The following MCTP1 variants were observed in gnomAD, a reference collection of about 807,000 sequenced individuals.
MCTP1 encodes multiple C2 and transmembrane domain-containing protein 1.
MCTP1 carries 69 observed loss-of-function variants against 120.6 expected under a neutral mutation model. The ratio of observed to expected loss-of-function variants is 0.57; its 90% CI spans 0.47 to 0.70. MCTP1 has a LOEUF of 0.70. Ranked by LOEUF, MCTP1 falls within the 30% of genes least tolerant of loss-of-function variation. The probability of loss-of-function intolerance (pLI) is 0.00; values close to 1 mark genes in which losing one functional copy is unlikely to be tolerated. For synonymous variants in MCTP1, 529 were observed against 493.1 expected (o/e 1.07, Z -0.96); for missense variants, 1,203 against 1,248.8 (o/e 0.96, Z 0.55).
rs1470049921 is a variant in MCTP1 at position 94,954,167 on chromosome 5, TAC to T, written c.839-808_839-807del. Among the ~76,000 whole-genome samples the T allele has an allele frequency of 4.1e-5, 4 of 98,616 alleles. 1 individual carries two copies. The highest frequency in any genetic ancestry group is 1.8e-4 in the African/African-American group (4 of 22,182). 64.7% of individuals were successfully genotyped at this position (98,616 alleles called of 152,430 possible). On this transcript the variant is annotated intron_variant, in intron 2 of 22. Coordinates refer to ENST00000515393, the MANE Select transcript of MCTP1 (RefSeq NM_024717.7). ...ATATACATATATATATGCATATATA[TAC>T]ATATATATATATGCATATATATATA...
intron 19 of MCTP1, among the ~76,000 whole-genome samples, chr5:94,776,646 CTAT>C (rs148472989): frequency 0.011 from 1,725 of 152,250 alleles, 33 homozygotes; most frequent in African/African-American, 0.039. Context: ...CCTGACCTTA[CTAT>C]TATACCATAT....
chr5:94,717,875 A>G (rs1688786153), intron 19 of MCTP1, among the ~76,000 whole-genome samples: 1 of 152,222 alleles, frequency 6.6e-6, no homozygotes. Flanking sequence ...CAGCGAGGAC[A>G]CAAATGGGAA....
chr5:94,768,315 T>C (rs749618736), intron 19 of MCTP1, among the ~76,000 whole-genome samples: 15 of 152,036 alleles, frequency 9.9e-5, no homozygotes, highest in Middle Eastern at 3.2e-3. Context: ...GAAGAAAACA[T>C]AGGAGAAATA....
intron 1 of MCTP1, among the ~76,000 whole-genome samples, chr5:95,023,839 C>T (rs1024568446): frequency 2.6e-5 from 4 of 152,164 alleles, no homozygotes; most frequent in African/African-American, 9.7e-5. Flanking sequence ...ACTTGGTTCA[C>T]CTCTGAAATT....
chr5:95,123,651 CTTTTT>C (rs67736041), intron 1 of MCTP1, among the ~76,000 whole-genome samples: 71,717 of 145,452 alleles, frequency 0.49, 19,261 homozygotes, highest in Non-Finnish European at 0.62. Context: ...ACAAGCTCTG[CTTTTT>C]TTTTTTTTTT....
intron 2 of MCTP1, among the ~76,000 whole-genome samples, chr5:94,983,874 T>A (rs921766438): frequency 6.6e-6 from 1 of 152,156 alleles, no homozygotes; most frequent in Non-Finnish European, 1.5e-5. Context: ...ATCTAAAACA[T>A]GAGAGCTCTA....
chr5:94,971,426 T>C (rs1317023456), intron 2 of MCTP1, among the ~76,000 whole-genome samples: 1 of 152,154 alleles, frequency 6.6e-6, no homozygotes, highest in African/African-American at 2.4e-5. Flanking sequence ...TCATCAAGGT[T>C]CTAGCAAGAT....
chr5:94,917,252 T>G (rs1290424620), intron 8 of MCTP1, among the ~76,000 whole-genome samples: 1 of 152,198 alleles, frequency 6.6e-6, no homozygotes, highest in Non-Finnish European at 1.5e-5. Context: ...ATTTGCATAT[T>G]GCGGCTGGTA....
chr5:95,133,482 C>T (rs1165994130), intron 1 of MCTP1, among the ~76,000 whole-genome samples: 3 of 152,068 alleles, frequency 2.0e-5, no homozygotes, highest in Non-Finnish European at 4.4e-5. Context: ...GGCAAAACCC[C>T]GTCTCTACTA....
chr5:95,245,388 G>C (rs979339031), intron 1 of MCTP1, among the ~76,000 whole-genome samples: 3 of 152,162 alleles, frequency 2.0e-5, no homozygotes, highest in African/African-American at 7.2e-5. Flanking sequence ...CCGAGCTAAA[G>C]GCGCATGTTC....
chr5:94,947,786 ATT>A (rs70978144), intron 3 of MCTP1, among the ~76,000 whole-genome samples: 7 of 138,946 alleles, frequency 5.0e-5, no homozygotes, highest in Admixed American at 7.3e-5. Flanking sequence ...TGGCTTTAAA[ATT>A]TTTTTTTTTT....
intron 1 of MCTP1, among the ~76,000 whole-genome samples, chr5:95,189,173 G>A (rs1388404738): frequency 6.6e-6 from 1 of 152,088 alleles, no homozygotes; most frequent in Non-Finnish European, 1.5e-5. Context: ...CAACACCATA[G>A]TTAATTTCCC....
At chr5:94,892,791 A>C (rs1338832537) in intron 11 of MCTP1, among the ~76,000 whole-genome samples, 2 of 152,200 alleles carry the variant, frequency 1.3e-5, no homozygotes, top group Non-Finnish European at 2.9e-5. Flanking sequence ...TTCTCCAAAC[A>C]ACCTCCATTA....
chr5:95,169,244 GCCAA>G (rs1746877535), intron 1 of MCTP1, among the ~76,000 whole-genome samples: 1 of 152,242 alleles, frequency 6.6e-6, no homozygotes, highest in Non-Finnish European at 1.5e-5. Context: ...CACAGAGGAA[GCCAA>G]CTTGATCATG....
At position 95,158,254 on chromosome 5, in the gene MCTP1, C is replaced by A. The variant is rs531015077; in HGVS notation, c.720+125602G>T. On this transcript the variant is annotated intron_variant, in intron 1 of 22. Transcript: ENST00000515393. ...ATTCCACTGGCATTTTTCATCATCA[C>A]ATATCATTCATTTATTGTAAATCTC... Among the ~76,000 whole-genome samples, 3 of 152,178 alleles carry A rather than the reference C, an allele frequency of 2.0e-5. No homozygotes were observed. The South Asian group carries it at 6.2e-4, about 31-fold the overall frequency.
intron 3 of MCTP1, among the ~76,000 whole-genome samples, chr5:94,949,895 G>A (rs1745289128): frequency 6.6e-6 from 1 of 152,000 alleles, no homozygotes; most frequent in African/African-American, 2.4e-5. Flanking sequence ...ACACAGGCCT[G>A]CATAGAGACA....
intron 1 of MCTP1, among the ~76,000 whole-genome samples, chr5:95,281,111 T>G (rs1760277850): frequency 6.6e-6 from 1 of 152,260 alleles, no homozygotes; most frequent in East Asian, 1.9e-4. Flanking sequence ...TCTAAAGATG[T>G]ATTAAATACT....
chr5:94,795,679 T>A (rs989087404), intron 18 of MCTP1, among the ~76,000 whole-genome samples: 6 of 152,228 alleles, frequency 3.9e-5, no homozygotes, highest in African/African-American at 1.4e-4. Context: ...ATGCTAGAAA[T>A]TTTAATGTCA....
chr5:95,104,935 C>A (rs549033146), intron 1 of MCTP1, among the ~76,000 whole-genome samples: 1 of 152,294 alleles, frequency 6.6e-6, no homozygotes, highest in African/African-American at 2.4e-5. Flanking sequence ...CTTTGGATGA[C>A]TGAAATTCCC....
Sources: gnomAD v4.1 joint callset for allele counts (sites outside exome capture counted in the v4.1 genomes callset) on GRCh38, gnomAD v4.1.1 for gene constraint, MANE v1.5 for transcripts, NCBI Gene and HGNC (gene_info 2026-07-23, HGNC 2026-07-21) for gene names.